ATPAF1: variants seen among roughly 807,000 people sequenced by gnomAD.
The protein encoded by ATPAF1 is homolog of yeast ATP11.
In ATPAF1, 26 loss-of-function variants were observed where a neutral mutation model predicts 43.9. The ratio of observed to expected loss-of-function variants is 0.59; its 90% CI spans 0.43 to 0.82. The LOEUF is 0.82. ATPAF1 is among the 40% of genes least tolerant of loss of function. The pLI is 0.00. For missense variants in ATPAF1, 366 were observed against 435.0 expected, an observed-to-expected ratio of 0.84 and a Z score of 1.41; for synonymous variants, 157 against 168.0, an observed-to-expected ratio of 0.93 and a Z score of 0.50.
At chr1:46,633,300 A>C (rs1675783020), downstream of ATPAF1, 1 of 168,626 alleles carries the variant, frequency 5.9e-6, no homozygotes, top group African/African-American at 2.4e-5. Context: ...ATTAGTCTTT[A>C]ATGAGGGGCA....
chr1:46,658,626 C>T, intron 3 of ATPAF1, 61 bp downstream of exon 3: 1 of 1,351,658 alleles, frequency 7.4e-7, no homozygotes, highest in East Asian at 2.4e-5. Flanking sequence ...TTTGCAGCCT[C>T]TTGTTCTAGA....
At chr1:46,655,258 T>G (rs1316599282) in intron 4 of ATPAF1, among the ~76,000 whole-genome samples, 1 of 152,108 alleles carries the variant, frequency 6.6e-6, no homozygotes, top group Non-Finnish European at 1.5e-5. Flanking sequence ...AAAACCATAT[T>G]AGATATTATT....
chr1:46,637,275 GA>G (rs1282878024), intron 8 of ATPAF1, among the ~76,000 whole-genome samples: 4 of 152,298 alleles, frequency 2.6e-5, no homozygotes, highest in African/African-American at 7.2e-5. Context: ...AGCTACTCGG[GA>G]GGCTGAGACA....
chr1:46,654,091 G>A (rs191638043), intron 4 of ATPAF1, among the ~76,000 whole-genome samples: 2 of 152,312 alleles, frequency 1.3e-5, no homozygotes, highest in East Asian at 3.9e-4. Context: ...TCCTGACAGA[G>A]AAACTGATTC....
At chr1:46,648,906 G>A (rs1311326153) in intron 6 of ATPAF1, among the ~76,000 whole-genome samples, 1 of 152,072 alleles carries the variant, frequency 6.6e-6, no homozygotes, top group Non-Finnish European at 1.5e-5. Flanking sequence ...TTGAACCTGG[G>A]AGGCAGAGAT....
chr1:46,664,542 C>A (rs1676454357), intron 2 of ATPAF1: 1 of 152,460 alleles, frequency 6.6e-6, no homozygotes, highest in East Asian at 1.9e-4. Context: ...ACTTCCCTCT[C>A]CATTTTAACT....
At chr1:46,640,415 G>C (rs1675928253) in intron 8 of ATPAF1, among the ~76,000 whole-genome samples, 1 of 152,166 alleles carries the variant, frequency 6.6e-6, no homozygotes, top group Admixed American at 6.5e-5. Context: ...TTCGAGACCA[G>C]CCTGGCCAAC....
rs183075075 is a variant in ATPAF1 at position 46,657,007 on chromosome 1, G to C, written c.489+1120C>G. ...CATACAAAGGAAACCCATGGCAACT[G>C]GCACAACTTCCAGTTGTGGGAATAT... On this transcript the variant is annotated intron_variant, in intron 4 of 8. Transcript: ENST00000574428. Among the ~76,000 whole-genome samples the C allele has an allele frequency of 8.5e-5, 13 of 152,326 alleles. No individual in the cohort carries two copies. In the East Asian group the frequency reaches 2.1e-3, roughly 25 times the overall value.
At chr1:46,648,100 G>T (rs1243524539) in intron 6 of ATPAF1, among the ~76,000 whole-genome samples, 1 of 152,066 alleles carries the variant, frequency 6.6e-6, no homozygotes, top group Non-Finnish European at 1.5e-5. Context: ...TAATTTTGAT[G>T]AAATCTAATT....
At chr1:46,646,103 A>G (rs189068144) in intron 6 of ATPAF1, among the ~76,000 whole-genome samples, 2 of 152,338 alleles carry the variant, frequency 1.3e-5, no homozygotes, top group African/African-American at 4.8e-5. Flanking sequence ...TGAGCCCAGG[A>G]GTTTGAGACC....
At chr1:46,634,038 T>C (rs773756980), downstream of ATPAF1, 30 of 352,910 alleles carry the variant, frequency 8.5e-5, no homozygotes, top group Admixed American at 3.9e-4. Context: ...TTTAGAGAAA[T>C]AGTGAAAGGA....
downstream of ATPAF1, chr1:46,633,812 C>T (rs1675791320): frequency 4.4e-6 from 2 of 456,218 alleles, no homozygotes; most frequent in Non-Finnish European, 8.8e-6. Context: ...CTATGTATGG[C>T]TAATAACTGG....
At chr1:46,658,058 T>C in intron 4 of ATPAF1, 69 bp downstream of exon 4, 2 of 1,446,732 alleles carry the variant, frequency 1.4e-6, no homozygotes, top group Admixed American at 1.9e-5. Flanking sequence ...TGTCAGAAAA[T>C]GTACTTTCAG....
chr1:46,659,282 T>G (rs932253704), intron 2 of ATPAF1, among the ~76,000 whole-genome samples: 2 of 152,180 alleles, frequency 1.3e-5, no homozygotes, highest in Non-Finnish European at 2.9e-5. Flanking sequence ...GATTCAGAGA[T>G]AAGATTTCTC....
chr1:46,640,215 T>C (rs938809913), intron 8 of ATPAF1, among the ~76,000 whole-genome samples: 1 of 152,208 alleles, frequency 6.6e-6, no homozygotes, highest in Admixed American at 6.5e-5. Flanking sequence ...ATAGATAATA[T>C]GTAAATAAAT....
chr1:46,665,384 A>G lies in ATPAF1; in HGVS notation c.267-20T>C. On this transcript the variant is annotated intron_variant, in intron 1 of 8. Transcript: ENST00000574428. Reference sequence around the variant, plus strand: ...TCTGACCTGATCAGAGGTAAACCAAAGGGTAAACCAACTGGGCCTTTTTGA... The same window carrying G: ...TCTGACCTGATCAGAGGTAAACCAAGGGGTAAACCAACTGGGCCTTTTTGA... The G allele has an allele frequency of 6.2e-7, 1 of 1,610,298 alleles. No individual in the cohort carries two copies. Among genetic ancestry groups the G allele is most frequent in the Non-Finnish European group, 8.5e-7 (1 of 1,177,052 alleles).
chr1:46,654,627 G>A (rs1676233497), intron 4 of ATPAF1, among the ~76,000 whole-genome samples: 2 of 150,850 alleles, frequency 1.3e-5, no homozygotes, highest in Admixed American at 6.6e-5. Context: ...TGCCATGTTG[G>A]TTTGCTGCAC....
At chr1:46,661,600 G>T (rs2148825859) in intron 2 of ATPAF1, among the ~76,000 whole-genome samples, 1 of 152,148 alleles carries the variant, frequency 6.6e-6, no homozygotes, top group East Asian at 1.9e-4. Context: ...CCCACCTGAG[G>T]TTATACATAC....
At chr1:46,646,152 T>A (rs79624775) in intron 6 of ATPAF1, among the ~76,000 whole-genome samples, 11 of 152,084 alleles carry the variant, frequency 7.2e-5, no homozygotes, top group African/African-American at 1.4e-4. Context: ...TTTAGAAAAA[T>A]TTTTTTTAAA....
Sources: gnomAD v4.1 joint callset for allele counts (sites outside exome capture counted in the v4.1 genomes callset) on GRCh38, gnomAD v4.1.1 for gene constraint, MANE v1.5 for transcripts, NCBI Gene and HGNC (gene_info 2026-07-23, HGNC 2026-07-21) for gene names.